SLC6A17: variants seen among roughly 807,000 people sequenced by gnomAD.
The protein encoded by SLC6A17 is sodium-dependent neutral amino acid transporter SLC6A17.
Under a neutral mutation model 64.5 loss-of-function variants are expected in SLC6A17, and 21 were observed. The observed-to-expected ratio is 0.33, with a 90% CI of 0.23 to 0.47. The LOEUF (loss-of-function observed/expected upper bound fraction) is 0.47. SLC6A17 is among the 20% of genes least tolerant of loss of function. The probability of loss-of-function intolerance (pLI) is 1.00; values close to 1 mark genes in which losing one functional copy is unlikely to be tolerated. For synonymous variants in SLC6A17, 372 were observed against 399.5 expected, an observed-to-expected ratio of 0.93 and a Z score of 0.82; for missense variants, 682 against 963.2, an observed-to-expected ratio of 0.71 and a Z score of 3.86.
At chr1:110,194,911 C>G in intron 9 of SLC6A17, 140 bp downstream of exon 9, 1 of 1,041,376 alleles carries the variant, frequency 9.6e-7, no homozygotes, top group Non-Finnish European at 1.4e-6. Context: ...TGGAGCCTGG[C>G]TGTGCCACTC....
chr1:110,150,756 G>A lies in SLC6A17; in HGVS notation c.-215G>A, dbSNP rs1382214102. On this transcript the variant is annotated 5_prime_UTR_variant, in exon 1 of 12. Transcript: ENST00000331565. ...TCGCGTGCGCCGGCGCGCAGCTCCG[G>A]GTCGCCCCAGCCCCAGCCGGGGGCC... 1 of 152,204 alleles carries A rather than the reference G, an allele frequency of 6.6e-6. No individual in the cohort carries two copies. The highest frequency in any genetic ancestry group is 1.5e-5 in the Non-Finnish European group (1 of 68,038). The allele number at this position is 152,204 out of a possible 1,614,324, so 9.4% of individuals were successfully genotyped here. A position where few individuals can be genotyped will look rare whatever the true frequency, so the allele number is the denominator to read the frequency against.
intron 1 of SLC6A17, among the ~76,000 whole-genome samples, chr1:110,163,020 A>T (rs1249729291): frequency 6.1e-5 from 3 of 49,440 alleles, no homozygotes; most frequent in Non-Finnish European, 1.4e-4. Context: ...CATGTTGGTA[A>T]AAAAAAAAAA....
chr1:110,191,859 C>T (rs1571001113), intron 6 of SLC6A17, 113 bp from the exon 7 acceptor site: 2 of 1,505,510 alleles, frequency 1.3e-6, no homozygotes, highest in Admixed American at 2.1e-5. Context: ...CTTCTTACCA[C>T]TATGGGCTGC....
rs1288457926 is a variant in SLC6A17, at chr1:110,201,049, G to T, written c.*2605G>T. 6.7e-6 allele frequency: 1 copy of T among 149,064 alleles called. No individual in the cohort carries two copies. The highest frequency in any genetic ancestry group is 6.7e-5 in the Admixed American group (1 of 14,968). The allele number at this position is 149,064 out of a possible 1,614,324, so 9.2% of individuals were successfully genotyped here. ...GAAACAGGGAAGGAGGGCGTTAAGG[G>T]AAAAAAAAAATCCTCAAATTTATTT... On this transcript the variant is annotated 3_prime_UTR_variant, in exon 12 of 12. Coordinates refer to ENST00000331565, the MANE Select transcript of SLC6A17 (RefSeq NM_001010898.4).
chr1:110,188,054 A>G (rs1202657660), intron 6 of SLC6A17, among the ~76,000 whole-genome samples: 2 of 152,236 alleles, frequency 1.3e-5, no homozygotes, highest in African/African-American at 4.8e-5. Context: ...GAGGCTATTT[A>G]TAGTCTTTAT....
intron 4 of SLC6A17, 33 bp from the exon 5 acceptor site, chr1:110,174,746 A>T: frequency 6.2e-7 from 1 of 1,606,500 alleles, no homozygotes; most frequent in Non-Finnish European, 8.5e-7. Context: ...AGGCCCTGCC[A>T]CTGAGGCCCT....
intron 2 of SLC6A17, among the ~76,000 whole-genome samples, chr1:110,170,030 A>C (rs1570985915): frequency 1.3e-5 from 2 of 151,454 alleles, no homozygotes; most frequent in African/African-American, 4.9e-5. Flanking sequence ...TTGCTCTCCC[A>C]CCCCTGTCAC....
At chr1:110,187,275 A>G (rs557738197) in intron 6 of SLC6A17, among the ~76,000 whole-genome samples, 86 of 152,356 alleles carry the variant, frequency 5.6e-4, no homozygotes, top group African/African-American at 2.0e-3. Flanking sequence ...GAGTAGGTTC[A>G]GAGACTCCAG....
chr1:110,160,548 G>T (rs2101839134), intron 1 of SLC6A17, among the ~76,000 whole-genome samples: 1 of 152,364 alleles, frequency 6.6e-6, no homozygotes, highest in East Asian at 1.9e-4. Context: ...TCAGAAAAGG[G>T]ATCAGGCGTA....
At chr1:110,186,456 A>AGG (rs1312632246) in intron 6 of SLC6A17, among the ~76,000 whole-genome samples, 6 of 100,058 alleles carry the variant, frequency 6.0e-5, no homozygotes, top group African/African-American at 2.4e-4. Context: ...AAAAAAAAAA[A>AGG]AAAAGGAAAG....
chr1:110,153,659 C>A (rs949304166), intron 1 of SLC6A17, among the ~76,000 whole-genome samples: 1 of 152,086 alleles, frequency 6.6e-6, no homozygotes, highest in Non-Finnish European at 1.5e-5. Context: ...GAAACAGGTT[C>A]CTTCTGCCTG....
At chr1:110,160,462 C>A (rs1369505921) in intron 1 of SLC6A17, among the ~76,000 whole-genome samples, 1 of 152,220 alleles carries the variant, frequency 6.6e-6, no homozygotes, top group Non-Finnish European at 1.5e-5. Context: ...GTGCGAAGCA[C>A]TGGTTGGGTA....
intron 5 of SLC6A17, among the ~76,000 whole-genome samples, chr1:110,176,422 C>A (rs1215304536): frequency 6.6e-6 from 1 of 152,164 alleles, no homozygotes; most frequent in Non-Finnish European, 1.5e-5. Flanking sequence ...CGGGCACAGC[C>A]ATGCAGACTC....
chr1:110,156,600 T>C (rs371022521), intron 1 of SLC6A17, among the ~76,000 whole-genome samples: 1 of 152,244 alleles, frequency 6.6e-6, no homozygotes, highest in Non-Finnish European at 1.5e-5. Flanking sequence ...TTGTACATGA[T>C]AGAGGCTTCT....
At chr1:110,194,451 G>A (rs925856201) in intron 8 of SLC6A17, 128 bp from the exon 9 acceptor site, 2 of 979,938 alleles carry the variant, frequency 2.0e-6, no homozygotes, top group East Asian at 2.6e-5. Context: ...ACAGGATTTA[G>A]GTGGAGGTGG....
intron 5 of SLC6A17, among the ~76,000 whole-genome samples, 159 bp from the exon 6 acceptor site, chr1:110,176,470 C>T (rs376937834): frequency 1.2e-3 from 177 of 152,228 alleles, no homozygotes; most frequent in African/African-American, 3.9e-3. Flanking sequence ...TGGCTCCATG[C>T]CAGATGTGTG....
At position 110,181,131 on chromosome 1, in the gene SLC6A17, C is replaced by G. The variant is rs528215398; in HGVS notation, c.864+4392C>G. Among the ~76,000 whole-genome samples, 5 of 152,300 alleles carry G rather than the reference C, an allele frequency of 3.3e-5. No individual in the cohort carries two copies. In the South Asian group the frequency reaches 1.0e-3, roughly 32 times the overall value. On this transcript the variant is annotated intron_variant, in intron 6 of 11. Transcript: ENST00000331565. ...CCTCGGGCAGCTTTTCTCCTGATTA[C>G]TTTCTTTCCATGTAGGTAAAAACCC...
At chr1:110,165,566 A>G (rs1196915956) in intron 1 of SLC6A17, among the ~76,000 whole-genome samples, 1 of 152,188 alleles carries the variant, frequency 6.6e-6, no homozygotes, top group South Asian at 2.1e-4. Context: ...AGGGCTAGCC[A>G]ACCCCATAAA....
At chr1:110,160,763 G>A (rs1259523996) in intron 1 of SLC6A17, among the ~76,000 whole-genome samples, 2 of 152,186 alleles carry the variant, frequency 1.3e-5, no homozygotes, top group Non-Finnish European at 2.9e-5. Flanking sequence ...GGGCTGGGAG[G>A]AAGTGGAAGC....
Sources: gnomAD v4.1 joint callset for allele counts (sites outside exome capture counted in the v4.1 genomes callset) on GRCh38, gnomAD v4.1.1 for gene constraint, MANE v1.5 for transcripts, NCBI Gene and HGNC (gene_info 2026-07-23, HGNC 2026-07-21) for gene names.